Variants in RANBP2 observed in about 807,000 individuals in gnomAD.
RANBP2 encodes RAN binding protein 2.
A neutral mutation model predicts 303.6 loss-of-function variants in RANBP2; 57 were observed. That is an observed-to-expected ratio of 0.19 (90% CI 0.15 to 0.23). The LOEUF (loss-of-function observed/expected upper bound fraction) is 0.23. Among genes scored for constraint, RANBP2 ranks in the 10% least tolerant of loss-of-function variants. The probability of loss-of-function intolerance (pLI) is 1.00; values close to 1 mark genes in which losing one functional copy is unlikely to be tolerated. For missense variants in RANBP2, 3,138 were observed against 3,780.8 expected (o/e 0.83, Z 4.46); for synonymous variants, 1,167 against 1,301.5 (o/e 0.90, Z 2.23).
the RANBP2 span, chr2:109,347,543 T>C: frequency 2.4e-6 from 3 of 1,241,826 alleles, no homozygotes; most frequent in Non-Finnish European, 3.3e-6. Flanking sequence ...TATTTTCCAC[T>C]TGCGGGGCAC....
chr2:108,774,481 A>G (rs912796768), intron 23 of RANBP2, among the ~76,000 whole-genome samples: 1 of 152,194 alleles, frequency 6.6e-6, no homozygotes, highest in African/African-American at 2.4e-5. Flanking sequence ...TCTTAAAAAA[A>G]TGGTAATACT....
the RANBP2 span, among the ~76,000 whole-genome samples, chr2:109,566,419 G>A: frequency 6.6e-6 from 1 of 151,968 alleles, no homozygotes; most frequent in Admixed American, 6.6e-5. Context: ...TGGGATTATA[G>A]GTGTGAGCCA....
At chr2:109,118,940 TGCAGGGGTG>T in the RANBP2 span, among the ~76,000 whole-genome samples, 1 of 152,210 alleles carries the variant, frequency 6.6e-6, no homozygotes, top group Non-Finnish European at 1.5e-5. Flanking sequence ...ACCACCTGGC[TGCAGGGGTG>T]GTGGTGTGAA....
At chr2:109,074,043 G>T in the RANBP2 span, among the ~76,000 whole-genome samples, 1 of 150,510 alleles carries the variant, frequency 6.6e-6, no homozygotes, top group Non-Finnish European at 1.5e-5. Context: ...GAAAAAGAGG[G>T]ACAAAAGAAC....
the RANBP2 span, among the ~76,000 whole-genome samples, chr2:108,847,871 C>T: frequency 2.2e-4 from 34 of 152,230 alleles, no homozygotes; most frequent in African/African-American, 7.7e-4. Flanking sequence ...ATTTTGCCTC[C>T]TTATGGTTAT....
chr2:109,142,421 C>A, the RANBP2 span, among the ~76,000 whole-genome samples: 2 of 152,228 alleles, frequency 1.3e-5, no homozygotes, highest in East Asian at 3.8e-4. Flanking sequence ...AACTTGGAAT[C>A]AAATATGTGT....
chr2:109,179,387 C>T, the RANBP2 span, among the ~76,000 whole-genome samples: 2 of 152,182 alleles, frequency 1.3e-5, no homozygotes, highest in Non-Finnish European at 2.9e-5. Context: ...GAGGACATGA[C>T]TTGCCCAGAG....
the RANBP2 span, among the ~76,000 whole-genome samples, chr2:109,258,659 C>A: frequency 6.6e-6 from 1 of 152,242 alleles, no homozygotes; most frequent in South Asian, 2.1e-4. Context: ...GTCACCGGTA[C>A]CTCTAGGAGC....
At chr2:109,644,132 C>G in the RANBP2 span, among the ~76,000 whole-genome samples, 1 of 49,342 alleles carries the variant, frequency 2.0e-5, no homozygotes, top group Non-Finnish European at 5.2e-5. Flanking sequence ...AAAAAAAAAA[C>G]AAAAAAACAA....
chr2:108,884,991 CCA>C, the RANBP2 span: 3 of 152,162 alleles, frequency 2.0e-5, no homozygotes, highest in Admixed American at 6.5e-5. Flanking sequence ...AAATTTCTTC[CCA>C]AGGAGCTAAT....
At chr2:108,910,931 G>A in the RANBP2 span, 47 of 1,614,136 alleles carry the variant, frequency 2.9e-5, no homozygotes, top group East Asian at 6.7e-5. Context: ...GGGCACCGGC[G>A]CATGGGGGCC....
chr2:108,900,855 C>G, the RANBP2 span, among the ~76,000 whole-genome samples: 2 of 151,998 alleles, frequency 1.3e-5, no homozygotes, highest in African/African-American at 4.8e-5. Flanking sequence ...CATAGCAATC[C>G]TAAATGAATA....
chr2:109,046,344 T>C, the RANBP2 span, among the ~76,000 whole-genome samples: 1 of 150,352 alleles, frequency 6.7e-6, no homozygotes, highest in Non-Finnish European at 1.5e-5. Flanking sequence ...GATTTTGGTT[T>C]TGGTGGTGAG....
At chr2:109,094,622 G>A in the RANBP2 span, among the ~76,000 whole-genome samples, 2 of 152,174 alleles carry the variant, frequency 1.3e-5, no homozygotes, top group Non-Finnish European at 1.5e-5. Flanking sequence ...TTGAGGTCAG[G>A]AGTTCAAGAC....
chr2:109,664,894 C>T, the RANBP2 span, among the ~76,000 whole-genome samples: 1 of 151,342 alleles, frequency 6.6e-6, no homozygotes, highest in Non-Finnish European at 1.5e-5. Context: ...CACGCTATTC[C>T]ACTCCAGACT....
chr2:109,005,109 C>T, the RANBP2 span, among the ~76,000 whole-genome samples: 1 of 152,194 alleles, frequency 6.6e-6, no homozygotes, highest in Non-Finnish European at 1.5e-5. Context: ...TAATCCAACT[C>T]AAGACATATG....
the RANBP2 span, chr2:108,816,007 C>G: frequency 6.2e-7 from 1 of 1,613,610 alleles, no homozygotes; most frequent in Non-Finnish European, 8.5e-7. Context: ...GGATCATCAT[C>G]TTAGCAAAGT....
the RANBP2 span, among the ~76,000 whole-genome samples, chr2:108,851,680 G>A: frequency 7.2e-5 from 11 of 152,260 alleles, no homozygotes; most frequent in Admixed American, 7.2e-4. Flanking sequence ...TCTCTCTGGG[G>A]AGGATGTTAA....
the RANBP2 span, among the ~76,000 whole-genome samples, chr2:109,491,904 C>T: frequency 6.6e-6 from 1 of 152,234 alleles, no homozygotes; most frequent in South Asian, 2.1e-4. Context: ...ACCTGCTGCC[C>T]TCCCAGACGC....
Sources: allele counts gnomAD v4.1 joint callset (sites outside exome capture counted in the v4.1 genomes callset), GRCh38; gene constraint gnomAD v4.1.1; transcripts MANE v1.5; gene names NCBI Gene and HGNC (gene_info 2026-07-23, HGNC 2026-07-21).